The following LTBP3 variants were observed in gnomAD, a reference collection of about 807,000 sequenced individuals.
LTBP3 encodes latent-transforming growth factor beta-binding protein 3.
LTBP3 carries 97 observed loss-of-function variants against 159.7 expected under a neutral mutation model. The observed-to-expected ratio is 0.61, with a 90% confidence interval of 0.52 to 0.72. LTBP3 has a LOEUF of 0.72. LTBP3 is among the 30% of genes least tolerant of loss of function. The pLI, the probability that LTBP3 is intolerant of heterozygous loss-of-function variation, is 0.00. For synonymous variants in LTBP3, 824 were observed against 777.1 expected, an observed-to-expected ratio of 1.06 and a Z score of -1.00; for missense variants, 1,584 against 1,864.3, an observed-to-expected ratio of 0.85 and a Z score of 2.77.
Position 65,546,791 on chromosome 11 carries a change from C to A in LTBP3, c.2230+7G>T, listed in dbSNP as rs771437442. 4 of 1,601,024 alleles carry A rather than the reference C, an allele frequency of 2.5e-6. No individual in the cohort carries two copies. The highest frequency in any genetic ancestry group is 1.3e-5 in the African/African-American group (1 of 74,872). On this transcript the variant is annotated splice_region_variant and intron_variant, in intron 15 of 27. Transcript: ENST00000301873. This position sits in a 1 kb window ranked among gnomAD's most constrained non-coding sequence, Gnocchi z 4.0. ...CCCACCCACTCGGCTCCGGGCCCCGCCCTCACCGCGACAGGCCCCGCCCCC... is the reference window on the plus strand; with the variant it reads ...CCCACCCACTCGGCTCCGGGCCCCGACCTCACCGCGACAGGCCCCGCCCCC...
chr11:65,546,543 C>A lies in LTBP3; in HGVS notation c.2252G>T (p.Gly751Val). ...GCACCAGCCAGGCGAGCAGGGGCTG[C>A]CCTCGGCGCACTCGTTCACGTCTGC... is the stretch of plus-strand genomic sequence containing the variant. ...ACRDVNECAE[G>V]SPCSPGWCEN... Residue 751 changes from glycine (G) to valine (V), a missense_variant, in exon 16 of 28, where the codon GGC (glycine) becomes GTC (valine). By Grantham distance (109) the Gly-to-Val change is moderately radical. Around this residue, in one of 6 missense-constraint regions of LTBP3, gnomAD observed 565 missense variants for 677.7 expected, o/e 0.83. Coordinates refer to ENST00000301873, the MANE Select transcript of LTBP3 (RefSeq NM_001130144.3). The surrounding 1 kb of genome is among the most constrained non-coding windows in gnomAD (Gnocchi z 4.0). 6.2e-7 allele frequency: 1 copy of A among 1,602,196 alleles called. No homozygotes were observed. Among genetic ancestry groups the A allele is most frequent in the African/African-American group, 1.3e-5 (1 of 75,010 alleles).
At chr11:65,551,679 TC>T in intron 8 of LTBP3, 115 bp from the exon 9 acceptor site, 1 of 1,351,284 alleles carries the variant, frequency 7.4e-7, no homozygotes, top group Non-Finnish European at 1.1e-6. Context: ...CAATCATGTC[TC>T]CAGGTCAAGG....
intron 11 of LTBP3, 60 bp downstream of exon 11, chr11:65,551,066 A>G: frequency 7.4e-7 from 1 of 1,358,274 alleles, no homozygotes; most frequent in Admixed American, 2.0e-5. Context: ...GGGAGGGAGG[A>G]GAGAAAACTA....
chr11:65,557,046 G>T (rs907777616), intron 1 of LTBP3, among the ~76,000 whole-genome samples: 4 of 151,928 alleles, frequency 2.6e-5, no homozygotes, highest in African/African-American at 9.7e-5. Context: ...AAAAGGAGAG[G>T]CTGAGAACCC....
At chr11:65,556,182 TCA>T (rs1473572692) in intron 1 of LTBP3, among the ~76,000 whole-genome samples, 1 of 151,708 alleles carries the variant, frequency 6.6e-6, no homozygotes, top group South Asian at 2.1e-4. Context: ...AGTCCTCTTG[TCA>T]CACACACACA....
At position 65,552,975 on chromosome 11, in the gene LTBP3, G is replaced by C; in HGVS notation, c.1071C>G (p.Asn357Lys). 6.2e-7 allele frequency: 1 copy of C among 1,614,176 alleles called. No individual in the cohort carries two copies. The highest frequency in any genetic ancestry group is 8.5e-7 in the Non-Finnish European group (1 of 1,180,026). ...GACACACGCCCGGCATTGCGCACTC[G>C]TTGATGTCTGTGGTAAGTGGAAGTT... is the stretch of plus-strand genomic sequence containing the variant. ...RLNSTHCQDI[N>K]ECAMPGVCRH... Residue 357 changes from asparagine to lysine, a missense_variant, in exon 6 of 28, where the codon AAC (asparagine) becomes AAG (lysine). Asn to Lys is a moderately conservative substitution (Grantham distance 94). This residue lies in a region of LTBP3 where 156 missense variants were observed against 259.7 expected (regional missense o/e 0.60). Coordinates refer to ENST00000301873, the MANE Select transcript of LTBP3 (RefSeq NM_001130144.3). The surrounding 1 kb of genome is among the most constrained non-coding windows in gnomAD (Gnocchi z 6.0).
intron 21 of LTBP3, 26 bp from the exon 22 acceptor site, chr11:65,540,640 TCCGGTC>T (rs760591588): frequency 1.3e-6 from 2 of 1,567,804 alleles, no homozygotes; most frequent in South Asian, 2.3e-5. Context: ...CACTGGCCGC[TCCGGTC>T]CCGCAGCTGC....
At chr11:65,539,979 C>T (rs1856008935) in intron 24 of LTBP3, 34 bp downstream of exon 24, 2 of 1,461,296 alleles carry the variant, frequency 1.4e-6, no homozygotes, top group African/African-American at 1.5e-5. Context: ...CGGACAGGGC[C>T]CCGGGATCGG....
rs1856122330 is a variant in LTBP3, at chr11:65,541,203, T to A, written c.2816A>T (p.Gln939Leu). The stretch of plus-strand genomic sequence containing the variant: ...CCCCAGAGAGCAGCAGCACTCCTGC[T>A]GGGTCACGTTGGTGGCCAATACGCT... The part of the protein sequence containing the change: ...CDSVLATNVT[Q>L]QECCCSLGAG... Residue 939 changes from glutamine to leucine, a missense_variant, in exon 20 of 28, where the codon CAG (glutamine) becomes CTG (leucine). Gln to Leu is a moderately radical substitution (Grantham distance 113). Coordinates refer to ENST00000301873, the MANE Select transcript of LTBP3 (RefSeq NM_001130144.3). 4 of 1,613,750 alleles carry A rather than the reference T, an allele frequency of 2.5e-6. No individual in the cohort carries two copies. The highest frequency in any genetic ancestry group is 3.4e-6 in the Non-Finnish European group (4 of 1,180,020).
rs1856650645 is a variant in LTBP3, at chr11:65,552,565, C to T, written c.1187-159G>A. On this transcript the variant is annotated intron_variant, in intron 6 of 27. Coordinates refer to ENST00000301873, the MANE Select transcript of LTBP3 (RefSeq NM_001130144.3). The surrounding 1 kb of genome is among the most constrained non-coding windows in gnomAD (Gnocchi z 6.0). ...CCCTGAACTCATGTGACCCCTGAAA[C>T]TTATGTGACCACTGACCCCATTGAC... 6.6e-6 allele frequency among the ~76,000 whole-genome samples: 1 copy of T among 152,192 alleles called. No individual in the cohort carries two copies. The highest frequency in any genetic ancestry group is 1.5e-5 in the Non-Finnish European group (1 of 68,040).
At chr11:65,551,098 A>G (rs1856593305) in intron 11 of LTBP3, 28 bp downstream of exon 11, 3 of 1,538,986 alleles carry the variant, frequency 1.9e-6, no homozygotes, top group South Asian at 2.4e-5. Flanking sequence ...TGGCCTAGGC[A>G]GGGGTGGCTT....
rs1352700305 is a variant in LTBP3, at chr11:65,539,112, G to A, written c.3880C>T (p.His1294Tyr). Residue 1294 changes from histidine to tyrosine, a missense_variant, in exon 28 of 28, where the codon CAC (histidine) becomes TAC (tyrosine). Transcript: ENST00000301873. ...CGGCGCTGGGGAACGCAGGCCCCGT[G>A]CGGGCGGCTGCGCGCGAAGCCGGCT... ...CKAGFARSRP[H>Y]GACVPQRRR is the part of the protein sequence containing the mutation. The A allele has an allele frequency of 2.0e-6, 3 of 1,470,346 alleles. No individual in the cohort carries two copies. Among genetic ancestry groups the A allele is most frequent in the Non-Finnish European group, 2.7e-6 (3 of 1,108,624 alleles). 91.1% of individuals were successfully genotyped at this position (1,470,346 alleles called of 1,614,324 possible). A position where few individuals can be genotyped will look rare whatever the true frequency, so the allele number is the denominator to read the frequency against.
Position 65,541,125 on chromosome 11 carries a change from C to A in LTBP3, c.2893+1G>T, listed in dbSNP as rs2135125210. On this transcript the variant is annotated splice_donor_variant, in intron 20 of 27. Transcript: ENST00000301873. LOFTEE classifies it high-confidence loss of function. ...GGGAAGGGGCCTGCCCGGCTCCTGA[C>A]CTGAGCTGTAGACTGGGCAGGGGTA... 1 of 1,612,742 alleles carries A rather than the reference C, an allele frequency of 6.2e-7. No homozygotes were observed. The highest frequency in any genetic ancestry group is 8.5e-7 in the Non-Finnish European group (1 of 1,179,752).
intron 8 of LTBP3, chr11:65,551,766 A>G (rs1346727640): frequency 1.1e-5 from 10 of 892,858 alleles, no homozygotes; most frequent in Middle Eastern, 5.0e-4. Flanking sequence ...CTTGGGTTAC[A>G]GGTCAGGCTG....
At chr11:65,542,782 T>G (rs1856197762) in intron 18 of LTBP3, 1 of 378,288 alleles carries the variant, frequency 2.6e-6, no homozygotes, top group Non-Finnish European at 5.1e-6. Flanking sequence ...GTAAAGAGCT[T>G]AACAGAGTGC....
Position 65,552,333 on chromosome 11 carries a change from G to T in LTBP3, c.1260C>A (p.Thr420=), listed in dbSNP as rs761482286. The T allele has an allele frequency of 1.9e-6, 3 of 1,614,088 alleles. No homozygotes were observed. Among genetic ancestry groups the T allele is most frequent in the Non-Finnish European group, 2.5e-6 (3 of 1,180,002 alleles). Reference sequence around the variant, plus strand: ...AGCAGAGCTGGCGGGTCAGGCGGGTGGTCAGTGGGTGCTGGCACTGGTGCT... The same window carrying T: ...AGCAGAGCTGGCGGGTCAGGCGGGTTGTCAGTGGGTGCTGGCACTGGTGCT... The part of the protein sequence containing the change: ...SPEHQCQHPL[T]TRLTRQLCCC... Residue 420 remains threonine (T), a synonymous_variant, in exon 7 of 28, where the codon ACC becomes ACA. Coordinates refer to ENST00000301873, the MANE Select transcript of LTBP3 (RefSeq NM_001130144.3). This position sits in a 1 kb window ranked among gnomAD's most constrained non-coding sequence, Gnocchi z 6.0.
chr11:65,553,131 C>T lies in LTBP3; in HGVS notation c.1063+33G>A, dbSNP rs540117818. 4 of 1,608,304 alleles carry T rather than the reference C, an allele frequency of 2.5e-6. No individual in the cohort carries two copies. The South Asian group carries it at 4.4e-5, about 18-fold the overall frequency. The stretch of plus-strand genomic sequence containing the variant: ...ACCCCCAGTGATGGCTGGCCTGCCC[C>T]TCCAGCCCACAGAATCTCCTAGCTG... On this transcript the variant is annotated intron_variant, in intron 5 of 27. Coordinates refer to ENST00000301873, the MANE Select transcript of LTBP3 (RefSeq NM_001130144.3). This position sits in a 1 kb window ranked among gnomAD's most constrained non-coding sequence, Gnocchi z 6.5.
Position 65,547,392 on chromosome 11 carries a change from G to A in LTBP3, c.2107+47C>T, listed in dbSNP as rs1211143849. On this transcript the variant is annotated intron_variant, in intron 14 of 27. Transcript: ENST00000301873. This position sits in a 1 kb window ranked among gnomAD's most constrained non-coding sequence, Gnocchi z 4.6. Reference sequence around the variant, plus strand: ...GCACCCCAGCCCCACCCCAGGTGGAGAGACAGCTAAGGAGCTCCTTCTTTG... The same window carrying A: ...GCACCCCAGCCCCACCCCAGGTGGAAAGACAGCTAAGGAGCTCCTTCTTTG... 1.9e-6 allele frequency: 3 copies of A among 1,605,056 alleles called. No homozygotes were observed. Among genetic ancestry groups the A allele is most frequent in the South Asian group, 2.2e-5 (2 of 91,006 alleles).
At position 65,541,700 on chromosome 11, in the gene LTBP3, G is replaced by A; in HGVS notation, c.2625C>T (p.Ser875=). ...TGCAGGCCCCATGGGGAAGGCACAG[G>A]CTCGGGTCCTGGCTGCACTCATCTA... ...QDIDECSQDP[S]LCLPHGACKN... The change falls in exon 19 of 28, where the codon AGC becomes AGT. Residue 875 remains serine (S), a synonymous_variant. Coordinates refer to ENST00000301873, the MANE Select transcript of LTBP3 (RefSeq NM_001130144.3). The A allele has an allele frequency of 6.2e-7, 1 of 1,614,128 alleles. No homozygotes were observed. The highest frequency in any genetic ancestry group is 8.5e-7 in the Non-Finnish European group (1 of 1,180,000).
Sources: allele counts gnomAD v4.1 joint callset (sites outside exome capture counted in the v4.1 genomes callset), GRCh38; gene constraint gnomAD v4.1.1; regional missense constraint gnomAD v4.1.1; non-coding constraint Gnocchi (gnomAD v3.1); transcripts MANE v1.5; gene names NCBI Gene and HGNC (gene_info 2026-07-23, HGNC 2026-07-21).